GZF1: variants seen among roughly 807,000 people sequenced by gnomAD.
GZF1 encodes GDNF-inducible zinc finger protein 1.
GZF1 carries 28 observed loss-of-function variants against 49.4 expected under a neutral mutation model. The observed-to-expected ratio is 0.57, with a 90% confidence interval of 0.42 to 0.78. The LOEUF (loss-of-function observed/expected upper bound fraction) is 0.78. GZF1 is among the 30% of genes least tolerant of loss of function. The probability of loss-of-function intolerance (pLI) is 0.00; values close to 1 mark genes in which losing one functional copy is unlikely to be tolerated. For synonymous variants in GZF1, 364 were observed against 356.0 expected (o/e 1.02, Z -0.25); for missense variants, 798 against 916.2 (o/e 0.87, Z 1.67).
At position 23,371,589 on chromosome 20, in the gene GZF1, C is replaced by T. The variant is rs1470824755; in HGVS notation, c.*1148C>T. On this transcript the variant is annotated 3_prime_UTR_variant, in exon 6 of 6. Transcript: ENST00000338121. Reference sequence around the variant, plus strand: ...TGTTTCATGCAGGACTTAATTATTGCTTTTAAAAATTCACAATGAAAAGAC... The same window carrying T: ...TGTTTCATGCAGGACTTAATTATTGTTTTTAAAAATTCACAATGAAAAGAC... The T allele has an allele frequency of 6.6e-6, 1 of 152,620 alleles. No individual in the cohort carries two copies. The highest frequency in any genetic ancestry group is 1.5e-5 in the Non-Finnish European group (1 of 68,036). 9.5% of individuals were successfully genotyped at this position (152,620 alleles called of 1,614,324 possible).
Position 23,369,705 on chromosome 20 carries a change from A to G in GZF1, c.1749A>G (p.Thr583=), listed in dbSNP as rs554030559. The change falls in exon 5 of 6, where the codon ACA becomes ACG. Residue 583 remains threonine, a synonymous_variant. Coordinates refer to ENST00000338121, the MANE Select transcript of GZF1 (RefSeq NM_022482.5). The part of the protein sequence containing the change: ...RPFMCNACGR[T]FTDKSTLRRH... ...TCATGTGCAATGCGTGCGGACGGAC[A>G]TTCACCGACAAGTCCACTCTTCGGC... 2 of 1,613,670 alleles carry G rather than the reference A, an allele frequency of 1.2e-6. No homozygotes were observed. Among genetic ancestry groups the G allele is most frequent in the East Asian group, 2.2e-5 (1 of 44,880 alleles).
chr20:23,364,683 G>A lies in GZF1; in HGVS notation c.300G>A (p.Gln100=). 1.2e-6 allele frequency: 2 copies of A among 1,614,276 alleles called. No homozygotes were observed. Among genetic ancestry groups the A allele is most frequent in the African/African-American group, 1.3e-5 (1 of 75,074 alleles). The part of the protein sequence containing the change: ...FLEFVYTAKV[Q]VEEDRVQRML... Reference sequence around the variant, plus strand: ...AGTTTGTCTACACTGCAAAGGTACAGGTGGAAGAAGATCGGGTGCAGCGAA... The same window carrying A: ...AGTTTGTCTACACTGCAAAGGTACAAGTGGAAGAAGATCGGGTGCAGCGAA... Residue 100 remains glutamine, a synonymous_variant, in exon 2 of 6, where the codon CAG becomes CAA. Coordinates refer to ENST00000338121, the MANE Select transcript of GZF1 (RefSeq NM_022482.5).
At chr20:23,361,972 C>T (rs1196734028), upstream of GZF1, among the ~76,000 whole-genome samples, 2 of 152,166 alleles carry the variant, frequency 1.3e-5, no homozygotes, top group African/African-American at 4.8e-5. Flanking sequence ...CGGCGGGTGA[C>T]GCAATGCGGC....
Position 23,370,249 on chromosome 20 carries a change from C to A in GZF1, c.1944C>A (p.His648Gln). 6.2e-7 allele frequency: 1 copy of A among 1,614,228 alleles called. No individual in the cohort carries two copies. The highest frequency in any genetic ancestry group is 1.1e-5 in the South Asian group (1 of 91,090). The stretch of plus-strand genomic sequence containing the variant: ...CTTTTGCAGAAAATGGCCATTTCCA[C>A]AACCTGGCTGCAGTCCAAGACACTG... ...LLSFAENGHF[H>Q]NLAAVQDTVP... Residue 648 changes from histidine to glutamine, a missense_variant, in exon 6 of 6, where the codon CAC becomes CAA. Transcript: ENST00000338121.
chr20:23,361,850 G>A (rs1980688680), upstream of GZF1, among the ~76,000 whole-genome samples: 1 of 152,220 alleles, frequency 6.6e-6, no homozygotes, highest in Admixed American at 6.5e-5. Flanking sequence ...GGACGCGAAA[G>A]TGACCACGCG....
intron 5 of GZF1, 33 bp downstream of exon 5, chr20:23,369,774 G>GC (rs1481001560): frequency 6.3e-7 from 1 of 1,585,934 alleles, no homozygotes; most frequent in South Asian, 1.2e-5. Flanking sequence ...TGAGAAACAA[G>GC]CTGCTGCCCT....
rs2123077667 is a variant in GZF1 at position 23,369,727 on chromosome 20, C to T, written c.1771C>T (p.Arg591Trp). 5.0e-6 allele frequency: 8 copies of T among 1,611,502 alleles called. No individual in the cohort carries two copies. Among genetic ancestry groups the T allele is most frequent in the Non-Finnish European group, 6.8e-6 (8 of 1,178,590 alleles). Residue 591 changes from arginine (R) to tryptophan (W), a missense_variant, in exon 5 of 6, where the codon CGG becomes TGG. Physicochemically the swap from Arg to Trp is moderately radical, Grantham distance 101. Coordinates refer to ENST00000338121, the MANE Select transcript of GZF1 (RefSeq NM_022482.5). The stretch of plus-strand genomic sequence containing the variant: ...GACATTCACCGACAAGTCCACTCTT[C>T]GGCGGCACACCTCAGTAAGCAGTGG... ...GRTFTDKSTLRRHTSIHDKNT... is the reference protein window; with the variant it reads ...GRTFTDKSTLWRHTSIHDKNT...
chr20:23,366,940 A>G, intron 2 of GZF1, 63 bp from the exon 3 acceptor site: 1 of 1,156,626 alleles, frequency 8.6e-7, no homozygotes, highest in East Asian at 2.3e-5. Flanking sequence ...TAGAGTGGAA[A>G]TTGTATTGCA....
Position 23,365,102 on chromosome 20 carries a change from A to G in GZF1, c.719A>G (p.Tyr240Cys), listed in dbSNP as rs1568584212. 1 of 1,614,038 alleles carries G rather than the reference A, an allele frequency of 6.2e-7. No homozygotes were observed. Among genetic ancestry groups the G allele is most frequent in the Non-Finnish European group, 8.5e-7 (1 of 1,180,054 alleles). Residue 240 changes from tyrosine (Y) to cysteine (C), a missense_variant, in exon 2 of 6, where the codon TAT (tyrosine) becomes TGT (cysteine). Tyr to Cys is a radical substitution (Grantham distance 194). This residue lies in a region of GZF1 where 247 missense variants were observed against 228.5 expected (regional missense o/e 1.08). Coordinates refer to ENST00000338121, the MANE Select transcript of GZF1 (RefSeq NM_022482.5). ...TTTGTGGAGATCCCTAAAAAGAAAT[A>G]TACGAGAAGACTCCGAGAGCAGCAG... ...KVFVEIPKKK[Y>C]TRRLREQQKT...
Position 23,368,798 on chromosome 20 carries a change from G to A in GZF1, c.1496G>A (p.Ser499Asn). 6.2e-7 allele frequency: 1 copy of A among 1,611,234 alleles called. No homozygotes were observed. The highest frequency in any genetic ancestry group is 8.5e-7 in the Non-Finnish European group (1 of 1,179,028). ...TTTATGTGTGAAACATGTGGCAAGAGTTTTGCTTCTAAGGAGTACTTAAAA... is the reference window on the plus strand; with the variant it reads ...TTTATGTGTGAAACATGTGGCAAGAATTTTGCTTCTAAGGAGTACTTAAAA... Reference protein sequence around the residue: ...RPFMCETCGKSFASKEYLKHH... With the variant: ...RPFMCETCGKNFASKEYLKHH... Residue 499 changes from serine to asparagine, a missense_variant, in exon 4 of 6, where the codon AGT (serine) becomes AAT (asparagine). Transcript: ENST00000338121.
At position 23,371,298 on chromosome 20, in the gene GZF1, G is replaced by C. The variant is rs61746370; in HGVS notation, c.*857G>C. ...TGTGTAGTCATTTTATTTGCAAAAT[G>C]AGGTGACTGTGGCAAATTATAGAAC... On this transcript the variant is annotated 3_prime_UTR_variant, in exon 6 of 6. Coordinates refer to ENST00000338121, the MANE Select transcript of GZF1 (RefSeq NM_022482.5). 1.8e-3 allele frequency: 274 copies of C among 152,748 alleles called. 2 individuals carry two copies. The highest frequency in any genetic ancestry group is 3.4e-3 in the Middle Eastern group (1 of 294). The allele number at this position is 152,748 out of a possible 1,614,324, so 9.5% of individuals were successfully genotyped here. A position where few individuals can be genotyped will look rare whatever the true frequency, so the allele number is the denominator to read the frequency against.
Position 23,364,348 on chromosome 20 carries a change from G to GT in GZF1, c.-21-12dup. On this transcript the variant is annotated splice_polypyrimidine_tract_variant and intron_variant, in intron 1 of 5. Transcript: ENST00000338121. The stretch of plus-strand genomic sequence containing the variant: ...CAGTGGTTGCTCATGCATAATTCTT[G>GT]TTTCTTTTTCAAAGCTGTTTTTGGA... 2.7e-6 allele frequency: 4 copies of GT among 1,474,908 alleles called. No homozygotes were observed. The highest frequency in any genetic ancestry group is 3.7e-6 in the Non-Finnish European group (4 of 1,092,804). The allele number at this position is 1,474,908 out of a possible 1,614,324, so 91.4% of individuals were successfully genotyped here.
rs995057102 is a variant in GZF1 at position 23,372,349 on chromosome 20, ATAATG to A, written c.*1909_*1913del. 1 of 152,266 alleles carries A rather than the reference ATAATG, an allele frequency of 6.6e-6. No individual in the cohort carries two copies. Among genetic ancestry groups the A allele is most frequent in the Non-Finnish European group, 1.5e-5 (1 of 68,044 alleles). The allele number at this position is 152,266 out of a possible 1,614,324, so 9.4% of individuals were successfully genotyped here. ...ACATATAATTTGCTTAATTACGTGA[ATAATG>A]AAATGTAAAATCCGGGTCCATAAGC... On this transcript the variant is annotated 3_prime_UTR_variant, in exon 6 of 6. Transcript: ENST00000338121.
In GZF1 at chr20:23,370,134, T is replaced by G; in HGVS notation, c.1829T>G (p.Val610Gly). ...NTPWKSFLVIVDGSPKNDDGH... is the reference protein window; with the variant it reads ...NTPWKSFLVIGDGSPKNDDGH... ...CCATGGAAGTCTTTCCTTGTCATTG[T>G]AGATGGCTCGCCCAAGAACGATGAC... Residue 610 changes from valine (V) to glycine (G), a missense_variant, in exon 6 of 6, where the codon GTA becomes GGA. This residue lies in a region of GZF1 where 446 missense variants were observed against 540.1 expected (regional missense o/e 0.83). Coordinates refer to ENST00000338121, the MANE Select transcript of GZF1 (RefSeq NM_022482.5). 1 of 1,614,278 alleles carries G rather than the reference T, an allele frequency of 6.2e-7. No homozygotes were observed. Among genetic ancestry groups the G allele is most frequent in the Non-Finnish European group, 8.5e-7 (1 of 1,180,042 alleles).
In GZF1 at chr20:23,371,762, T is replaced by G. The variant is rs1982099278; in HGVS notation, c.*1321T>G. The stretch of plus-strand genomic sequence containing the variant: ...GAGAATTCTTTTGTTCACTAGTTCC[T>G]TTTTTCTCTACATTTTTAATTTATT... On this transcript the variant is annotated 3_prime_UTR_variant, in exon 6 of 6. Coordinates refer to ENST00000338121, the MANE Select transcript of GZF1 (RefSeq NM_022482.5). 6.6e-6 allele frequency: 1 copy of G among 152,246 alleles called. No homozygotes were observed. Among genetic ancestry groups the G allele is most frequent in the African/African-American group, 2.4e-5 (1 of 41,458 alleles). The allele number at this position is 152,246 out of a possible 1,614,324, so 9.4% of individuals were successfully genotyped here. A position where few individuals can be genotyped will look rare whatever the true frequency, so the allele number is the denominator to read the frequency against.
rs1982151666 is a variant in GZF1 at position 23,372,326 on chromosome 20, A to G, written c.*1885A>G. On this transcript the variant is annotated 3_prime_UTR_variant, in exon 6 of 6. Coordinates refer to ENST00000338121, the MANE Select transcript of GZF1 (RefSeq NM_022482.5). ...CAGAAATATGATTCTTAATTGAAAC[A>G]TATAATTTGCTTAATTACGTGAATA... The G allele has an allele frequency of 6.6e-6, 1 of 152,296 alleles. No homozygotes were observed. 9.4% of individuals were successfully genotyped at this position (152,296 alleles called of 1,614,324 possible).
At chr20:23,363,630 A>T (rs927901830) in intron 1 of GZF1, among the ~76,000 whole-genome samples, 1 of 152,212 alleles carries the variant, frequency 6.6e-6, no homozygotes, top group Admixed American at 6.5e-5. Flanking sequence ...ACCTTGGCCT[A>T]TGTGTGGGAA....
Position 23,365,651 on chromosome 20 carries a change from G to A in GZF1, c.1268G>A (p.Arg423Gln). The part of the protein sequence containing the change: ...GKGLSSKTAL[R>Q]LHERTHTGDR... ...GGCCTGAGTTCCAAGACAGCGCTGC[G>A]GCTGCACGAGCGCACACACACGGGA... is the stretch of plus-strand genomic sequence containing the variant. Residue 423 changes from arginine (R) to glutamine (Q), a missense_variant, in exon 2 of 6, where the codon CGG (arginine) becomes CAG (glutamine). By Grantham distance (43) the Arg-to-Gln change is conservative (BLOSUM62 1). Coordinates refer to ENST00000338121, the MANE Select transcript of GZF1 (RefSeq NM_022482.5). The A allele has an allele frequency of 1.2e-6, 2 of 1,601,590 alleles. No homozygotes were observed. The highest frequency in any genetic ancestry group is 1.7e-6 in the Non-Finnish European group (2 of 1,178,766).
In GZF1 at chr20:23,370,559, C is replaced by A; in HGVS notation, c.*118C>A. The A allele has an allele frequency of 1.4e-6, 1 of 709,282 alleles. No individual in the cohort carries two copies. The allele number at this position is 709,282 out of a possible 1,614,324, so 43.9% of individuals were successfully genotyped here. On this transcript the variant is annotated 3_prime_UTR_variant, in exon 6 of 6. Transcript: ENST00000338121. The stretch of plus-strand genomic sequence containing the variant: ...AAGATGTGGGCAAGAATGGCCTCTG[C>A]AGATTTTCCTGAACTTCTGCTAACT...
Sources: gnomAD v4.1 joint callset for allele counts (sites outside exome capture counted in the v4.1 genomes callset) on GRCh38, gnomAD v4.1.1 for gene constraint, gnomAD v4.1.1 regional missense constraint, MANE v1.5 for transcripts, NCBI Gene and HGNC (gene_info 2026-07-23, HGNC 2026-07-21) for gene names.